CNTN4: variants seen among roughly 807,000 people sequenced by gnomAD.
CNTN4 encodes contactin 4, also known as contactin-4.
CNTN4 carries 77 observed loss-of-function variants against 122.5 expected under a neutral mutation model. The observed-to-expected ratio is 0.63, with a 90% confidence interval of 0.52 to 0.76. The LOEUF is 0.76. CNTN4 is among the 30% of genes least tolerant of loss of function. The probability of loss-of-function intolerance (pLI) is 0.00; values close to 1 mark genes in which losing one functional copy is unlikely to be tolerated. For missense variants in CNTN4, 1,256 were observed against 1,259.1 expected, an observed-to-expected ratio of 1.00 and a Z score of 0.04; for synonymous variants, 512 against 447.0, an observed-to-expected ratio of 1.15 and a Z score of -1.83.
chr3:3,048,182 C>T, intron 23 of CNTN4, among the ~76,000 whole-genome samples: 1 of 151,890 alleles, frequency 6.6e-6, no homozygotes, highest in East Asian at 1.9e-4. Flanking sequence ...TTTAAAGCTA[C>T]AGGTATCCAC....
At chr3:2,132,235 T>G (rs1464510018) in intron 2 of CNTN4, 4 of 152,146 alleles carry the variant, frequency 2.6e-5, no homozygotes, top group Non-Finnish European at 5.9e-5. Flanking sequence ...GTGCCAGACA[T>G]GTAAATTACC....
In CNTN4 at chr3:2,222,391, G is replaced by A. The variant is rs180814505; in HGVS notation, c.-144-116787G>A. Among the ~76,000 whole-genome samples the A allele has an allele frequency of 3.0e-3, 452 of 152,232 alleles. 1 individual carries two copies. The highest frequency in any genetic ancestry group is 0.01 in the African/African-American group (434 of 41,540). ...ATAAGTAGTTGCCAGGGGCTGGGAG[G>A]AGAGGAGAGTAGGCAGTGACTCCAA... On this transcript the variant is annotated intron_variant, in intron 2 of 24. Coordinates refer to ENST00000418658, the MANE Select transcript of CNTN4 (RefSeq NM_175607.3).
At chr3:2,427,433 G>C (rs1173875464) in intron 3 of CNTN4, among the ~76,000 whole-genome samples, 1 of 152,202 alleles carries the variant, frequency 6.6e-6, no homozygotes, top group Middle Eastern at 3.2e-3. Context: ...TGTGGTCTGA[G>C]AGACAGTTTG....
At chr3:2,376,720 A>G (rs1003864257) in intron 3 of CNTN4, among the ~76,000 whole-genome samples, 2 of 150,930 alleles carry the variant, frequency 1.3e-5, no homozygotes, top group African/African-American at 4.9e-5. Flanking sequence ...AGGTTAACAT[A>G]TAATATGCTC....
At chr3:2,843,192 A>G (rs2093395076) in intron 7 of CNTN4, among the ~76,000 whole-genome samples, 1 of 152,186 alleles carries the variant, frequency 6.6e-6, no homozygotes, top group African/African-American at 2.4e-5. Context: ...CAGTCACAGG[A>G]AAGGGCACTT....
At chr3:3,047,871 A>G (rs1257005012) in intron 23 of CNTN4, among the ~76,000 whole-genome samples, 1 of 152,088 alleles carries the variant, frequency 6.6e-6, no homozygotes, top group African/African-American at 2.4e-5. Flanking sequence ...CAAAATTGAT[A>G]GACTGCTAGC....
chr3:2,447,044 A>G (rs1393215457), intron 3 of CNTN4, among the ~76,000 whole-genome samples: 1 of 152,230 alleles, frequency 6.6e-6, no homozygotes, highest in Non-Finnish European at 1.5e-5. Flanking sequence ...TTTCAATTTA[A>G]GAAAAAATTA....
intron 10 of CNTN4, among the ~76,000 whole-genome samples, chr3:2,894,138 G>C (rs2151072788): frequency 6.6e-6 from 1 of 152,214 alleles, no homozygotes; most frequent in South Asian, 2.1e-4. Flanking sequence ...TGTAATGTCT[G>C]TCTTACTAGA....
At chr3:2,492,329 G>A (rs1222163623) in intron 3 of CNTN4, among the ~76,000 whole-genome samples, 1 of 152,120 alleles carries the variant, frequency 6.6e-6, no homozygotes, top group African/African-American at 2.4e-5. Flanking sequence ...ATTGGAGTTT[G>A]CGATAGTGGG....
At chr3:2,937,157 T>G (rs1308454714) in intron 13 of CNTN4, among the ~76,000 whole-genome samples, 1 of 152,232 alleles carries the variant, frequency 6.6e-6, no homozygotes, top group East Asian at 1.9e-4. Context: ...TGCCTTTTAT[T>G]TGTTCTTTGT....
intron 2 of CNTN4, among the ~76,000 whole-genome samples, chr3:2,332,816 C>A (rs940480481): frequency 1.3e-5 from 2 of 151,434 alleles, no homozygotes; most frequent in African/African-American, 4.9e-5. Flanking sequence ...CAGCATGGCA[C>A]ATGTATACAT....
At chr3:2,185,984 G>T (rs1230966097) in intron 2 of CNTN4, among the ~76,000 whole-genome samples, 1 of 151,784 alleles carries the variant, frequency 6.6e-6, no homozygotes. Context: ...ACAACGTGCA[G>T]GTTTATTACA....
intron 2 of CNTN4, among the ~76,000 whole-genome samples, chr3:2,226,155 C>A (rs2039274025): frequency 6.6e-6 from 1 of 151,986 alleles, no homozygotes; most frequent in South Asian, 2.1e-4. Context: ...ATATATAATT[C>A]TTACCTCCTT....
intron 2 of CNTN4, among the ~76,000 whole-genome samples, chr3:2,173,762 G>A (rs536128665): frequency 6.6e-6 from 1 of 152,084 alleles, no homozygotes; most frequent in African/African-American, 2.4e-5. Context: ...TTACCTCATA[G>A]GGTTATTATA....
At chr3:2,380,947 T>C (rs1207431240) in intron 3 of CNTN4, among the ~76,000 whole-genome samples, 5 of 152,128 alleles carry the variant, frequency 3.3e-5, no homozygotes, top group African/African-American at 7.2e-5. Flanking sequence ...TCTATTGTCT[T>C]GAGTACTGAT....
rs116451342 is a variant in CNTN4, at chr3:2,716,467, C to T, written c.56-19748C>T. 3.2e-3 allele frequency among the ~76,000 whole-genome samples: 491 copies of T among 152,052 alleles called. 4 individuals carry two copies. Among genetic ancestry groups the T allele is most frequent in the African/African-American group, 0.011 (477 of 41,522 alleles). On this transcript the variant is annotated intron_variant, in intron 4 of 24. Transcript: ENST00000418658. ...AGCTGTCATAACAAAATACTGTAAACTGGGTAGTTCATAGATGTATGATTA... is the reference window on the plus strand; with the variant it reads ...AGCTGTCATAACAAAATACTGTAAATTGGGTAGTTCATAGATGTATGATTA...
chr3:2,429,725 C>A (rs2047987487), intron 3 of CNTN4, among the ~76,000 whole-genome samples: 1 of 152,204 alleles, frequency 6.6e-6, no homozygotes, highest in Admixed American at 6.5e-5. Flanking sequence ...CTGCAGTGGG[C>A]TCCACCCAGT....
intron 2 of CNTN4, among the ~76,000 whole-genome samples, chr3:2,315,668 T>A (rs2043073249): frequency 6.6e-6 from 1 of 152,086 alleles, no homozygotes; most frequent in Admixed American, 6.6e-5. Context: ...ATTTTTTTAA[T>A]GTGCTAGATA....
intron 14 of CNTN4, among the ~76,000 whole-genome samples, chr3:3,001,389 A>G (rs1228962482): frequency 6.6e-6 from 1 of 151,390 alleles, no homozygotes; most frequent in Non-Finnish European, 1.5e-5. Flanking sequence ...CTGGATAAGG[A>G]GTGAGTAAGA....
Sources: gnomAD v4.1 joint callset for allele counts (sites outside exome capture counted in the v4.1 genomes callset) on GRCh38, gnomAD v4.1.1 for gene constraint, MANE v1.5 for transcripts, NCBI Gene and HGNC (gene_info 2026-07-23, HGNC 2026-07-21) for gene names.